Variants in DPP6 observed in about 807,000 individuals in gnomAD.
DPP6 encodes the protein A-type potassium channel modulatory protein DPP6.
DPP6 carries 69 observed loss-of-function variants against 122.6 expected under a neutral mutation model. That is an observed-to-expected ratio of 0.56 (90% confidence interval 0.46 to 0.69). The LOEUF is 0.69. DPP6 is among the 30% of genes least tolerant of loss of function. The pLI, the probability that DPP6 is intolerant of heterozygous loss-of-function variation, is 0.00. For missense variants in DPP6, 928 were observed against 1,116.9 expected (o/e 0.83, Z 2.41); for synonymous variants, 418 against 433.1 (o/e 0.97, Z 0.43).
At chr7:154,622,121 A>G (rs1235273818) in intron 5 of DPP6, among the ~76,000 whole-genome samples, 12 of 152,190 alleles carry the variant, frequency 7.9e-5, no homozygotes, top group Admixed American at 5.9e-4. Flanking sequence ...ATCACTCACC[A>G]AGAGACGGTA....
At chr7:154,304,826 A>G (rs1370064657) in intron 1 of DPP6, among the ~76,000 whole-genome samples, 1 of 152,194 alleles carries the variant, frequency 6.6e-6, no homozygotes, top group African/African-American at 2.4e-5. Context: ...ACTTTGCACC[A>G]AGAAAAAACA....
chr7:154,646,045 A>AAAAAAAAAAAAC (rs1554421912), intron 6 of DPP6, among the ~76,000 whole-genome samples: 4 of 147,568 alleles, frequency 2.7e-5, no homozygotes, highest in African/African-American at 1.0e-4. Context: ...AAAAAAAAAA[A>AAAAAAAAAAAAC]GAAAATACTG....
chr7:154,228,963 A>G (rs1268426891), intron 1 of DPP6, among the ~76,000 whole-genome samples: 1 of 152,196 alleles, frequency 6.6e-6, no homozygotes, highest in African/African-American at 2.4e-5. Context: ...TGGTAAGGTG[A>G]ATGCCTAATG....
chr7:154,867,817 G>C (rs984007107), intron 17 of DPP6, among the ~76,000 whole-genome samples, 178 bp from the exon 18 acceptor site: 2 of 152,180 alleles, frequency 1.3e-5, no homozygotes, highest in African/African-American at 4.8e-5. Context: ...AGGCTTTTGA[G>C]CGCATAACTT....
At chr7:154,740,800 AC>A (rs1842783468) in intron 8 of DPP6, among the ~76,000 whole-genome samples, 1 of 151,912 alleles carries the variant, frequency 6.6e-6, no homozygotes, top group African/African-American at 2.4e-5. Context: ...CGTCACCCCC[AC>A]ACACAGGACA....
intron 1 of DPP6, among the ~76,000 whole-genome samples, chr7:154,054,872 A>G (rs529165705): frequency 6.6e-6 from 1 of 151,298 alleles, no homozygotes; most frequent in African/African-American, 2.4e-5. Context: ...GGAGAAAGGA[A>G]AGGCAAGAGC....
chr7:153,961,666 T>C (rs1264136776), intron 1 of DPP6, among the ~76,000 whole-genome samples: 5 of 151,790 alleles, frequency 3.3e-5, no homozygotes, highest in Admixed American at 1.3e-4. Context: ...GAAATAACTG[T>C]ACAACTCCCC....
At chr7:154,106,864 C>T (rs140234331) in intron 1 of DPP6, among the ~76,000 whole-genome samples, 213 of 152,194 alleles carry the variant, frequency 1.4e-3, no homozygotes, top group African/African-American at 4.6e-3. Context: ...AACGCACTGA[C>T]GCTGAGTGCT....
chr7:154,163,328 G>C (rs1215115825), intron 1 of DPP6, among the ~76,000 whole-genome samples: 1 of 152,220 alleles, frequency 6.6e-6, no homozygotes, highest in Non-Finnish European at 1.5e-5. Flanking sequence ...CCTGGAATCT[G>C]TGCGTTGCTC....
the DPP6 span, among the ~76,000 whole-genome samples, chr7:153,790,863 G>A: frequency 6.6e-6 from 1 of 152,194 alleles, no homozygotes; most frequent in Non-Finnish European, 1.5e-5. Context: ...AATGGCGGAA[G>A]AGTATTTTGG....
In DPP6 at chr7:154,716,144, C is replaced by T. The variant is rs566488771; in HGVS notation, c.763-11623C>T. ...TCCCCACCTCCAGACTTCTGCCTCC[C>T]ATCTCCCCTCAGCCGTCATGGTGAT... On this transcript the variant is annotated intron_variant, in intron 7 of 25. Coordinates refer to ENST00000377770, the MANE Select transcript of DPP6 (RefSeq NM_130797.4). Among the ~76,000 whole-genome samples the T allele has an allele frequency of 1.2e-4, 19 of 152,304 alleles. No homozygotes were observed. The South Asian group carries it at 3.9e-3, about 32-fold the overall frequency.
At chr7:154,680,057 G>A (rs929182749) in intron 7 of DPP6, among the ~76,000 whole-genome samples, 1 of 152,166 alleles carries the variant, frequency 6.6e-6, no homozygotes, top group African/African-American at 2.4e-5. Flanking sequence ...AGAGTGAGGA[G>A]AATTAGGAAA....
intron 2 of DPP6, among the ~76,000 whole-genome samples, chr7:154,473,636 A>G (rs895402824): frequency 1.7e-4 from 26 of 152,232 alleles, no homozygotes; most frequent in Non-Finnish European, 3.5e-4. Context: ...GAGATTATTT[A>G]TTCCTATTTG....
At chr7:154,526,991 T>C (rs117030941) in intron 3 of DPP6, among the ~76,000 whole-genome samples, 2,544 of 152,294 alleles carry the variant, frequency 0.017, 32 homozygotes, top group South Asian at 0.027. Context: ...CACAAATTAC[T>C]GCAGAAGCCC....
chr7:154,547,805 C>G (rs1394440009), intron 4 of DPP6, among the ~76,000 whole-genome samples: 1 of 152,022 alleles, frequency 6.6e-6, no homozygotes, highest in Non-Finnish European at 1.5e-5. Flanking sequence ...ACTTTTCTCT[C>G]TCCTGCCTTT....
intron 3 of DPP6, among the ~76,000 whole-genome samples, chr7:154,504,629 A>G (rs1413955731): frequency 1.3e-5 from 2 of 152,328 alleles, no homozygotes; most frequent in Non-Finnish European, 1.5e-5. Context: ...TGTCCAACAG[A>G]TCATTACAAC....
chr7:154,223,607 G>C (rs1472434720), intron 1 of DPP6, among the ~76,000 whole-genome samples: 1 of 149,192 alleles, frequency 6.7e-6, no homozygotes, highest in Non-Finnish European at 1.5e-5. Flanking sequence ...GATGAAGAAT[G>C]GTGAAAAGAA....
chr7:154,668,370 G>A (rs527733884), intron 6 of DPP6, among the ~76,000 whole-genome samples: 34 of 150,262 alleles, frequency 2.3e-4, no homozygotes, highest in Non-Finnish European at 3.4e-4. Flanking sequence ...ACAGGCACCC[G>A]CCACCGCGCC....
chr7:154,818,819 C>T (rs1322788055), intron 16 of DPP6, among the ~76,000 whole-genome samples: 1 of 152,148 alleles, frequency 6.6e-6, no homozygotes, highest in Non-Finnish European at 1.5e-5. Flanking sequence ...CCCTTTGAGG[C>T]TGCATGAACC....
Sources: allele counts gnomAD v4.1 joint callset (sites outside exome capture counted in the v4.1 genomes callset), GRCh38; gene constraint gnomAD v4.1.1; transcripts MANE v1.5; gene names NCBI Gene and HGNC (gene_info 2026-07-23, HGNC 2026-07-21).